The following ITGAM variants were observed in gnomAD, a reference collection of about 807,000 sequenced individuals.
ITGAM encodes the protein integrin alpha-M.
Under a neutral mutation model 137.5 loss-of-function variants are expected in ITGAM, and 79 were observed. The observed-to-expected ratio is 0.57, with a 90% CI of 0.48 to 0.69. ITGAM has a LOEUF of 0.69. ITGAM is among the 30% of genes least tolerant of loss of function. The pLI, the probability that ITGAM is intolerant of heterozygous loss-of-function variation, is 0.00. For missense variants in ITGAM, 1,343 were observed against 1,483.5 expected (o/e 0.91, Z 1.56); for synonymous variants, 583 against 592.3 (o/e 0.98, Z 0.23).
intron 12 of ITGAM, among the ~76,000 whole-genome samples, chr16:31,289,783 G>T (rs968063031): frequency 6.6e-6 from 1 of 152,084 alleles, no homozygotes; most frequent in Non-Finnish European, 1.5e-5. Flanking sequence ...ATTGTTTAGG[G>T]ATATAGAAAT....
At chr16:31,288,473 T>A (rs2080051972) in intron 12 of ITGAM, among the ~76,000 whole-genome samples, 1 of 152,200 alleles carries the variant, frequency 6.6e-6, no homozygotes, top group Admixed American at 6.5e-5. Flanking sequence ...AACCATCTGA[T>A]CTTTGACAAA....
Position 31,329,126 on chromosome 16 carries a change from A to G in ITGAM, c.2793-102A>G, listed in dbSNP as rs1030742094. ...CTCCACCCCCCAGGACTTCATACCC[A>G]TTACCCATGTGCCTGTTCGCTCCTT... On this transcript the variant is annotated intron_variant, in intron 23 of 29. Transcript: ENST00000544665. 3 of 455,160 alleles carry G rather than the reference A, an allele frequency of 6.6e-6. No individual in the cohort carries two copies. The Admixed American group carries it at 8.4e-5, about 13-fold the overall frequency. 28.2% of individuals were successfully genotyped at this position (455,160 alleles called of 1,614,324 possible). A position where few individuals can be genotyped will look rare whatever the true frequency, so the allele number is the denominator to read the frequency against.
intron 12 of ITGAM, among the ~76,000 whole-genome samples, chr16:31,287,696 A>T (rs564671331): frequency 1.6e-4 from 25 of 152,124 alleles, no homozygotes; most frequent in African/African-American, 5.8e-4. Context: ...TTGTATGGGG[A>T]TGAAACCAGT....
At chr16:31,307,027 C>T (rs116475097) in intron 14 of ITGAM, among the ~76,000 whole-genome samples, 437 of 152,250 alleles carry the variant, frequency 2.9e-3, no homozygotes, top group African/African-American at 0.01. Flanking sequence ...AAGACCAGTA[C>T]CATGCTGTTT....
chr16:31,268,391 G>T (rs2079793242), intron 5 of ITGAM, among the ~76,000 whole-genome samples: 1 of 152,126 alleles, frequency 6.6e-6, no homozygotes, highest in African/African-American at 2.4e-5. Flanking sequence ...AAAGGGTGCG[G>T]TAGCTCACAC....
At chr16:31,310,570 A>G (rs2080316176) in intron 14 of ITGAM, among the ~76,000 whole-genome samples, 1 of 151,960 alleles carries the variant, frequency 6.6e-6, no homozygotes, top group Non-Finnish European at 1.5e-5. Context: ...ACTTCTCCGC[A>G]TTGATTATTC....
In ITGAM at chr16:31,324,821, G is replaced by C. The variant is rs1276704907; in HGVS notation, c.2289+39G>C. The C allele has an allele frequency of 6.4e-7, 1 of 1,553,708 alleles. No homozygotes were observed. Among genetic ancestry groups the C allele is most frequent in the Non-Finnish European group, 8.7e-7 (1 of 1,152,576 alleles). ...TGGGGTCCTGCAGGGGTGTGGAAGAGACCAGAGACCAAGGTGGTTGAAACT... is the reference window on the plus strand; with the variant it reads ...TGGGGTCCTGCAGGGGTGTGGAAGACACCAGAGACCAAGGTGGTTGAAACT... On this transcript the variant is annotated intron_variant, in intron 18 of 29. Coordinates refer to ENST00000544665, the MANE Select transcript of ITGAM (RefSeq NM_000632.4). This position sits in a 1 kb window ranked among gnomAD's most constrained non-coding sequence, Gnocchi z 4.5.
intron 23 of ITGAM, 64 bp from the exon 24 acceptor site, chr16:31,329,164 T>C: frequency 2.1e-6 from 2 of 933,092 alleles, no homozygotes; most frequent in Non-Finnish European, 3.2e-6. Context: ...ACACTTAGCC[T>C]GAGACACCCT....
At chr16:31,317,010 G>A (rs546319149) in intron 14 of ITGAM, among the ~76,000 whole-genome samples, 1 of 152,126 alleles carries the variant, frequency 6.6e-6, no homozygotes, top group South Asian at 2.1e-4. Context: ...TTTATAACAA[G>A]TTTCTTATAT....
chr16:31,331,701 C>T lies in ITGAM; in HGVS notation c.3453C>T (p.Pro1151=), dbSNP rs769617692. The T allele has an allele frequency of 1.2e-6, 2 of 1,603,358 alleles. No individual in the cohort carries two copies. The highest frequency in any genetic ancestry group is 3.4e-5 in the Admixed American group (2 of 58,544). The change falls in exon 30 of 30, where the codon CCC becomes CCT. Residue 1151 remains proline, a synonymous_variant. Transcript: ENST00000544665. ...AAGGGGGTCCCCCGGGGGCCGAACC[C>T]CAGTAGCGGCTCCTTCCCGACAGAG... is the stretch of plus-strand genomic sequence containing the variant. The part of the protein sequence containing the change: ...MSEGGPPGAE[P]Q
chr16:31,263,672 T>TC (rs2144250410), intron 2 of ITGAM, among the ~76,000 whole-genome samples: 1 of 151,462 alleles, frequency 6.6e-6, no homozygotes, highest in East Asian at 1.9e-4. Context: ...TTTCTTTTTT[T>TC]TTTTTTTTAC....
At chr16:31,306,384 A>G (rs1483315522) in intron 14 of ITGAM, among the ~76,000 whole-genome samples, 1 of 152,210 alleles carries the variant, frequency 6.6e-6, no homozygotes, top group Non-Finnish European at 1.5e-5. Flanking sequence ...AAAATCTCAA[A>G]GTTTGAGTTT....
chr16:31,265,061 G>A (rs1487077831), intron 2 of ITGAM, among the ~76,000 whole-genome samples: 1 of 151,880 alleles, frequency 6.6e-6, no homozygotes, highest in African/African-American at 2.4e-5. Context: ...TAGAGGCGGG[G>A]TTTCACCATG....
intron 5 of ITGAM, among the ~76,000 whole-genome samples, chr16:31,266,962 G>A (rs1197358661): frequency 6.6e-6 from 1 of 151,674 alleles, no homozygotes; most frequent in African/African-American, 2.4e-5. Context: ...CTGCCTCCCA[G>A]GTTCAAGCGA....
Position 31,331,939 on chromosome 16 carries a change from G to A in ITGAM, c.*232G>A, listed in dbSNP as rs1490584052. The A allele has an allele frequency of 3.5e-6, 2 of 564,110 alleles. No individual in the cohort carries two copies. The highest frequency in any genetic ancestry group is 6.3e-6 in the Non-Finnish European group (2 of 319,208). 34.9% of individuals were successfully genotyped at this position (564,110 alleles called of 1,614,324 possible). A position where few individuals can be genotyped will look rare whatever the true frequency, so the allele number is the denominator to read the frequency against. The stretch of plus-strand genomic sequence containing the variant: ...TGTGCACTTGCACGCCCATGTGTGA[G>A]TGTGTGCAAGTATGTGAGTGTGTCC... On this transcript the variant is annotated 3_prime_UTR_variant, in exon 30 of 30. Transcript: ENST00000544665.
chr16:31,275,802 C>T, intron 9 of ITGAM, 103 bp downstream of exon 9: 2 of 1,105,992 alleles, frequency 1.8e-6, no homozygotes, highest in Non-Finnish European at 2.6e-6. Flanking sequence ...TTGGTATCCC[C>T]CAGCATCAAC....
In ITGAM at chr16:31,330,396, A is replaced by AC; in HGVS notation, c.3151dup (p.Leu1051ProfsTer4). 6.2e-7 allele frequency: 1 copy of AC among 1,613,782 alleles called. No individual in the cohort carries two copies. Among genetic ancestry groups the AC allele is most frequent in the South Asian group, 1.1e-5 (1 of 91,074 alleles). ...GAATTCAATGCTACCCTCAAAGGCA[A>AC]CCTCTCGTTTGACTGGTACATCAAG... On this transcript the variant is annotated frameshift_variant, in exon 27 of 30. Transcript: ENST00000544665. LOFTEE classifies it high-confidence loss of function.
chr16:31,331,288 G>A lies in ITGAM; in HGVS notation c.3387+13G>A. ...CGCGCTGTACAAGGTGCTCCCCGCTGCTCCCCCACCCCCTCCCTTCATCCT... is the reference window on the plus strand; with the variant it reads ...CGCGCTGTACAAGGTGCTCCCCGCTACTCCCCCACCCCCTCCCTTCATCCT... On this transcript the variant is annotated intron_variant, in intron 29 of 29. Coordinates refer to ENST00000544665, the MANE Select transcript of ITGAM (RefSeq NM_000632.4). 1 of 1,431,762 alleles carries A rather than the reference G, an allele frequency of 7.0e-7. No individual in the cohort carries two copies. Among genetic ancestry groups the A allele is most frequent in the Non-Finnish European group, 9.8e-7 (1 of 1,021,036 alleles). 88.7% of individuals were successfully genotyped at this position (1,431,762 alleles called of 1,614,324 possible).
At chr16:31,285,441 T>C (rs2080018622) in intron 12 of ITGAM, among the ~76,000 whole-genome samples, 2 of 152,002 alleles carry the variant, frequency 1.3e-5, no homozygotes, top group Admixed American at 1.3e-4. Flanking sequence ...CTGGCCGATA[T>C]GGTGAAACTC....
Sources: gnomAD v4.1 joint callset for allele counts (sites outside exome capture counted in the v4.1 genomes callset) on GRCh38, gnomAD v4.1.1 for gene constraint, Gnocchi (gnomAD v3.1) non-coding constraint, MANE v1.5 for transcripts, NCBI Gene and HGNC (gene_info 2026-07-23, HGNC 2026-07-21) for gene names.